CACNA2D2: variants seen among roughly 807,000 people sequenced by gnomAD.
CACNA2D2 encodes the protein voltage-dependent calcium channel subunit alpha-2/delta-2.
In CACNA2D2, 48 loss-of-function variants were observed where a neutral mutation model predicts 166.4. The observed-to-expected ratio is 0.29, with a 90% CI of 0.23 to 0.37. CACNA2D2 has a LOEUF of 0.37. Among genes scored for constraint, CACNA2D2 ranks in the 10% least tolerant of loss-of-function variants. The pLI is 1.00. For missense variants in CACNA2D2, 1,122 were observed against 1,433.0 expected (o/e 0.78, Z 3.50); for synonymous variants, 561 against 573.7 (o/e 0.98, Z 0.32).
chr3:50,416,728 T>C (rs951764704), intron 3 of CACNA2D2, among the ~76,000 whole-genome samples: 1 of 151,988 alleles, frequency 6.6e-6, no homozygotes, highest in African/African-American at 2.4e-5. Flanking sequence ...GGCAAGTCTC[T>C]TTTCCTTTCT....
chr3:50,446,741 C>G (rs1227084199), intron 2 of CACNA2D2, among the ~76,000 whole-genome samples: 1 of 152,250 alleles, frequency 6.6e-6, no homozygotes, highest in Non-Finnish European at 1.5e-5. Flanking sequence ...AATTCATTTG[C>G]CTGGTGCTGT....
intron 1 of CACNA2D2, among the ~76,000 whole-genome samples, chr3:50,496,658 C>T (rs1698737568): frequency 6.6e-6 from 1 of 152,246 alleles, no homozygotes; most frequent in Admixed American, 6.5e-5. Flanking sequence ...CTCCCTGGGG[C>T]CAGGCCCATC....
At chr3:50,447,272 C>T (rs1708890518) in intron 2 of CACNA2D2, among the ~76,000 whole-genome samples, 1 of 152,142 alleles carries the variant, frequency 6.6e-6, no homozygotes, top group Non-Finnish European at 1.5e-5. Context: ...CCTGGATCCC[C>T]ACATGCAGTG....
At chr3:50,403,211 T>A (rs1460239315) in intron 3 of CACNA2D2, among the ~76,000 whole-genome samples, 1 of 152,064 alleles carries the variant, frequency 6.6e-6, no homozygotes, top group Non-Finnish European at 1.5e-5. Flanking sequence ...AGGATGTGGA[T>A]GGAGAGCAGG....
intron 3 of CACNA2D2, among the ~76,000 whole-genome samples, chr3:50,413,241 T>C (rs971478880): frequency 6.7e-6 from 1 of 150,052 alleles, no homozygotes; most frequent in East Asian, 2.0e-4. Context: ...TGGCCAGGAC[T>C]GGGGGCAGTC....
chr3:50,380,979 A>G lies in CACNA2D2; in HGVS notation c.784+16T>C, dbSNP rs768658010. 3.7e-6 allele frequency: 6 copies of G among 1,613,254 alleles called. No individual in the cohort carries two copies. Among genetic ancestry groups the G allele is most frequent in the East Asian group, 2.2e-5 (1 of 44,870 alleles). On this transcript the variant is annotated intron_variant, in intron 7 of 37. Coordinates refer to ENST00000424201, the MANE Select transcript of CACNA2D2 (RefSeq NM_006030.4). The surrounding 1 kb of genome is among the most constrained non-coding windows in gnomAD (Gnocchi z 4.9). ...GCGAGGTGCTGGGTAGACAGGGGAC[A>G]GGGGCTGGTACCTACCCGGGTAGTA...
chr3:50,387,389 A>G (rs1705665061), intron 5 of CACNA2D2, among the ~76,000 whole-genome samples, 179 bp downstream of exon 5: 1 of 152,200 alleles, frequency 6.6e-6, no homozygotes, highest in African/African-American at 2.4e-5. Flanking sequence ...GTGCACAGAG[A>G]TGCAGCCCTG....
intron 2 of CACNA2D2, among the ~76,000 whole-genome samples, chr3:50,443,089 C>T (rs892825387): frequency 1.1e-4 from 16 of 152,196 alleles, no homozygotes; most frequent in Non-Finnish European, 2.9e-5. Flanking sequence ...CGCCGGCTGT[C>T]GAGGCAGCTG....
intron 3 of CACNA2D2, among the ~76,000 whole-genome samples, chr3:50,426,431 G>T (rs1318665025): frequency 6.6e-6 from 1 of 152,208 alleles, no homozygotes; most frequent in African/African-American, 2.4e-5. Context: ...GCCTGGGGCA[G>T]CTCAGCCAAG....
chr3:50,436,964 C>A (rs909359151), intron 2 of CACNA2D2, among the ~76,000 whole-genome samples: 1 of 152,224 alleles, frequency 6.6e-6, no homozygotes, highest in Non-Finnish European at 1.5e-5. Context: ...GACACTGGGA[C>A]GCCACTGATA....
rs2106670836 is a variant in CACNA2D2 at position 50,381,142 on chromosome 3, G to C, written c.653-16C>G. The C allele has an allele frequency of 6.2e-7, 1 of 1,611,688 alleles. No individual in the cohort carries two copies. Among genetic ancestry groups the C allele is most frequent in the East Asian group, 2.2e-5 (1 of 44,796 alleles). On this transcript the variant is annotated splice_polypyrimidine_tract_variant and intron_variant, in intron 6 of 37. Coordinates refer to ENST00000424201, the MANE Select transcript of CACNA2D2 (RefSeq NM_006030.4). ...ATGACAGTGGCTGGGGGGAAGCGGG[G>C]AGCTGGGGTGGGGAGCACCTGGGCT...
At chr3:50,456,437 C>T (rs1709363627) in intron 2 of CACNA2D2, among the ~76,000 whole-genome samples, 1 of 152,194 alleles carries the variant, frequency 6.6e-6, no homozygotes, top group South Asian at 2.1e-4. Context: ...AACATTGTGA[C>T]TTCACAATTT....
intron 1 of CACNA2D2, 62 bp from the exon 2 acceptor site, chr3:50,476,261 C>G: frequency 1.5e-6 from 2 of 1,374,768 alleles, no homozygotes; most frequent in Non-Finnish European, 2.0e-6. Flanking sequence ...CAGCCCCACC[C>G]CAGCCAACCC....
intron 1 of CACNA2D2, among the ~76,000 whole-genome samples, chr3:50,492,081 G>C (rs555381425): frequency 6.6e-6 from 1 of 152,178 alleles, no homozygotes; most frequent in Non-Finnish European, 1.5e-5. Context: ...CCCACTATAG[G>C]CAAGTACACC....
At chr3:50,406,698 C>A (rs984809348) in intron 3 of CACNA2D2, among the ~76,000 whole-genome samples, 34 of 151,794 alleles carry the variant, frequency 2.2e-4, no homozygotes, top group South Asian at 8.3e-4. Flanking sequence ...CTTCCATCAT[C>A]ACCATCTTCA....
intron 2 of CACNA2D2, among the ~76,000 whole-genome samples, chr3:50,468,829 CTT>C (rs5848893): frequency 1.7e-4 from 23 of 133,040 alleles, no homozygotes; most frequent in South Asian, 2.4e-4. Flanking sequence ...CCTTCTCTCT[CTT>C]TTTTTTTTTT....
At chr3:50,447,637 G>A (rs1708914297) in intron 2 of CACNA2D2, among the ~76,000 whole-genome samples, 1 of 152,136 alleles carries the variant, frequency 6.6e-6, no homozygotes, top group African/African-American at 2.4e-5. Flanking sequence ...GGGCCTGCAG[G>A]GCGTGACTGG....
At chr3:50,459,909 CCCTGCAG>C (rs5848894) in intron 2 of CACNA2D2, among the ~76,000 whole-genome samples, 4,873 of 152,142 alleles carry the variant, frequency 0.032, 247 homozygotes, top group African/African-American at 0.11. Context: ...TGCCTTCTCA[CCCTGCAG>C]CCTGCTCCCA....
chr3:50,366,950 T>A lies in CACNA2D2; in HGVS notation c.2501-31A>T. ...GGGGAGAGCAAGGGACCATCAGTGC[T>A]ACCTGCCCAGGCAGTACCCTGTCCA... On this transcript the variant is annotated intron_variant, in intron 28 of 37. Transcript: ENST00000424201. This position sits in a 1 kb window ranked among gnomAD's most constrained non-coding sequence, Gnocchi z 5.9. 4 of 1,613,276 alleles carry A rather than the reference T, an allele frequency of 2.5e-6. No individual in the cohort carries two copies. The highest frequency in any genetic ancestry group is 3.4e-6 in the Non-Finnish European group (4 of 1,179,554).
Sources: allele counts gnomAD v4.1 joint callset (sites outside exome capture counted in the v4.1 genomes callset), GRCh38; gene constraint gnomAD v4.1.1; non-coding constraint Gnocchi (gnomAD v3.1); transcripts MANE v1.5; gene names NCBI Gene and HGNC (gene_info 2026-07-23, HGNC 2026-07-21).